Variants in ZSCAN5A observed in about 807,000 individuals in gnomAD.
The protein encoded by ZSCAN5A is zinc finger and SCAN domain containing 5A.
Under a neutral mutation model 23.7 loss-of-function variants are expected in ZSCAN5A, and 12 were observed. That is an observed-to-expected ratio of 0.51 (90% CI 0.32 to 0.82). ZSCAN5A has a LOEUF of 0.82. ZSCAN5A is among the 40% of genes least tolerant of loss of function. The pLI, the probability that ZSCAN5A is intolerant of heterozygous loss-of-function variation, is 0.03. For synonymous variants in ZSCAN5A, 257 were observed against 239.9 expected, an observed-to-expected ratio of 1.07 and a Z score of -0.66; for missense variants, 597 against 617.9, an observed-to-expected ratio of 0.97 and a Z score of 0.36.
intron 2 of ZSCAN5A, among the ~76,000 whole-genome samples, chr19:56,343,643 A>G (rs939071907): frequency 6.6e-6 from 1 of 152,254 alleles, no homozygotes; most frequent in Non-Finnish European, 1.5e-5. Flanking sequence ...GGTAGTGAGT[A>G]GTAAAACTCT....
chr19:56,346,828 C>T (rs12978701), intron 2 of ZSCAN5A, among the ~76,000 whole-genome samples: 5,428 of 152,208 alleles, frequency 0.036, 272 homozygotes, highest in East Asian at 0.26. Flanking sequence ...CCTGGGTTCA[C>T]GCCATTCTCC....
chr19:56,350,825 GTTTAATAT>G (rs1236732242), intron 2 of ZSCAN5A, among the ~76,000 whole-genome samples: 4 of 151,722 alleles, frequency 2.6e-5, no homozygotes, highest in East Asian at 1.9e-4. Flanking sequence ...ATCAAATAAA[GTTTAATAT>G]TTTAATATTT....
At chr19:56,235,129 T>C (rs2034794201) in intron 2 of ZSCAN5A, among the ~76,000 whole-genome samples, 1 of 100,172 alleles carries the variant, frequency 1.0e-5, no homozygotes, top group African/African-American at 3.6e-5. Context: ...CAACCTCTGA[T>C]GGACGGTGGG....
At chr19:56,255,861 C>T (rs1401649015) in intron 2 of ZSCAN5A, among the ~76,000 whole-genome samples, 1 of 152,174 alleles carries the variant, frequency 6.6e-6, no homozygotes, top group Non-Finnish European at 1.5e-5. Flanking sequence ...GATTTGTTAA[C>T]TGCTGGCCTC....
chr19:56,226,567 A>C (rs2033958261), intron 2 of ZSCAN5A, among the ~76,000 whole-genome samples: 1 of 152,214 alleles, frequency 6.6e-6, no homozygotes, highest in African/African-American at 2.4e-5. Flanking sequence ...ACATGGAACG[A>C]GTGTTGGTGA....
At chr19:56,253,993 T>G (rs1200299993) in intron 2 of ZSCAN5A, among the ~76,000 whole-genome samples, 1 of 152,042 alleles carries the variant, frequency 6.6e-6, no homozygotes, top group African/African-American at 2.4e-5. Context: ...CTGTTTGACA[T>G]TAAACATAAC....
chr19:56,226,102 C>T (rs2033907824), intron 2 of ZSCAN5A, among the ~76,000 whole-genome samples: 1 of 152,066 alleles, frequency 6.6e-6, no homozygotes, highest in South Asian at 2.1e-4. Context: ...GAGAACACAG[C>T]CCTGCTTTCC....
chr19:56,222,186 G>A lies in ZSCAN5A; in HGVS notation c.880C>T (p.Leu294=), dbSNP rs780289351. 3.1e-6 allele frequency: 5 copies of A among 1,613,916 alleles called. No homozygotes were observed. Among genetic ancestry groups the A allele is most frequent in the African/African-American group, 2.7e-5 (2 of 74,900 alleles). ...HSGNRGDALN[L]SSPKRSKPDA... ...GGTTTGCTTCTTTTGGGACTGCTCA[G>A]ATTCAGAGCGTCTCCTCTGTTCCCG... Residue 294 remains leucine, a synonymous_variant, in exon 6 of 6, where the codon CTG becomes TTG. Transcript: ENST00000683990.
chr19:56,300,376 G>A (rs1269097088), intron 2 of ZSCAN5A, among the ~76,000 whole-genome samples: 1 of 152,112 alleles, frequency 6.6e-6, no homozygotes, highest in East Asian at 1.9e-4. Flanking sequence ...CTTGGTTATT[G>A]GGATAGCCAA....
At chr19:56,246,520 G>A (rs2035912894) in intron 2 of ZSCAN5A, 1 of 660,926 alleles carries the variant, frequency 1.5e-6, no homozygotes, top group African/African-American at 1.8e-5. Context: ...CTGGGGTGTG[G>A]GGCTGGGGTC....
At chr19:56,280,150 C>T (rs1258147283) in intron 2 of ZSCAN5A, among the ~76,000 whole-genome samples, 1 of 152,112 alleles carries the variant, frequency 6.6e-6, no homozygotes, top group Non-Finnish European at 1.5e-5. Context: ...TATTCAAAGT[C>T]CTCTTGTTTC....
intron 2 of ZSCAN5A, among the ~76,000 whole-genome samples, chr19:56,284,804 C>T (rs941238619): frequency 6.6e-6 from 1 of 152,092 alleles, no homozygotes; most frequent in Non-Finnish European, 1.5e-5. Context: ...TGAGCCACTG[C>T]GCCTGGCCTT....
intron 2 of ZSCAN5A, among the ~76,000 whole-genome samples, chr19:56,242,667 G>A (rs1030522009): frequency 1.3e-5 from 2 of 152,204 alleles, no homozygotes; most frequent in Non-Finnish European, 2.9e-5. Flanking sequence ...ACAGGGCTGC[G>A]TTCTCACAGC....
At chr19:56,225,197 C>T in intron 2 of ZSCAN5A, 24 bp from the exon 3 acceptor site, 2 of 1,429,108 alleles carry the variant, frequency 1.4e-6, no homozygotes, top group Non-Finnish European at 1.8e-6. Flanking sequence ...GTATGAGCCT[C>T]ATTAGTTTAA....
At chr19:56,233,688 T>G (rs964306477) in intron 2 of ZSCAN5A, among the ~76,000 whole-genome samples, 2 of 151,060 alleles carry the variant, frequency 1.3e-5, no homozygotes, top group African/African-American at 4.9e-5. Flanking sequence ...CACCCCAGAC[T>G]TTCTTTTGAT....
intron 2 of ZSCAN5A, among the ~76,000 whole-genome samples, chr19:56,287,605 G>A (rs1432986555): frequency 6.6e-6 from 1 of 152,158 alleles, no homozygotes; most frequent in African/African-American, 2.4e-5. Flanking sequence ...CATGTGAAGT[G>A]CCTGCCACGA....
rs752555827 is a variant in ZSCAN5A at position 56,302,532 on chromosome 19, C to CCCCGTTCCTCCCTCCCTCCCCTCTTCCTT, written c.-128+10750_-128+10751insAAGGAAGAGGGGAGGGAGGGAGGAACGGG. Among the ~76,000 whole-genome samples the CCCCGTTCCTCCCTCCCTCCCCTCTTCCTT allele has an allele frequency of 3.0e-3, 81 of 26,662 alleles. 2 individuals are homozygous for CCCCGTTCCTCCCTCCCTCCCCTCTTCCTT. Among genetic ancestry groups the CCCCGTTCCTCCCTCCCTCCCCTCTTCCTT allele is most frequent in the Non-Finnish European group, 4.7e-3 (36 of 7,588 alleles). 17.5% of individuals were successfully genotyped at this position (26,662 alleles called of 152,430 possible). ...TTCTTTCCTTCCTCCCTCCCTCCCTCTTCTTCCTCCCCGTTCCTCCCTCCC... is the reference window on the plus strand; with the variant it reads ...TTCTTTCCTTCCTCCCTCCCTCCCTCCCCGTTCCTCCCTCCCTCCCCTCTTCCTTTTCTTCCTCCCCGTTCCTCCCTCCC... On this transcript the variant is annotated intron_variant, in intron 2 of 5. Transcript: ENST00000683990.
At chr19:56,239,751 CT>C (rs373880806) in intron 2 of ZSCAN5A, among the ~76,000 whole-genome samples, 37 of 152,324 alleles carry the variant, frequency 2.4e-4, no homozygotes, top group South Asian at 2.1e-3. Flanking sequence ...ATGTGAAAGG[CT>C]TTGCTTAAAC....
chr19:56,287,212 C>T (rs1201482459), intron 2 of ZSCAN5A, among the ~76,000 whole-genome samples: 6 of 152,236 alleles, frequency 3.9e-5, no homozygotes, highest in African/African-American at 1.4e-4. Flanking sequence ...AAGTAGAACT[C>T]TCCTCCTTGC....
Sources: allele counts gnomAD v4.1 joint callset (sites outside exome capture counted in the v4.1 genomes callset), GRCh38; gene constraint gnomAD v4.1.1; transcripts MANE v1.5; gene names NCBI Gene and HGNC (gene_info 2026-07-23, HGNC 2026-07-21).